COL4A2: variants seen among roughly 807,000 people sequenced by gnomAD.
COL4A2 encodes collagen type IV alpha 2 chain.
In COL4A2, 99 loss-of-function variants were observed where a neutral mutation model predicts 200.2. The ratio of observed to expected loss-of-function variants is 0.49; its 90% CI spans 0.42 to 0.58. The LOEUF (loss-of-function observed/expected upper bound fraction) is 0.58. Ranked by LOEUF, COL4A2 falls within the 20% of genes least tolerant of loss-of-function variation. The probability of loss-of-function intolerance (pLI) is 0.00; values close to 1 mark genes in which losing one functional copy is unlikely to be tolerated. For synonymous variants in COL4A2, 897 were observed against 900.6 expected (o/e 1.00, Z 0.07); for missense variants, 1,950 against 2,314.1 (o/e 0.84, Z 3.23).
intron 4 of COL4A2, among the ~76,000 whole-genome samples, chr13:110,413,551 T>C (rs935351810): frequency 4.6e-5 from 7 of 152,174 alleles, no homozygotes; most frequent in Non-Finnish European, 7.3e-5. Context: ...GCCATGGCCC[T>C]GAGGTTCCAG....
rs1420136912 is a variant in COL4A2, at chr13:110,484,994, C to T, written c.2992C>T (p.Pro998Ser). 7 of 1,610,866 alleles carry T rather than the reference C, an allele frequency of 4.3e-6. No individual in the cohort carries two copies. Among genetic ancestry groups the T allele is most frequent in the African/African-American group, 1.3e-5 (1 of 74,868 alleles). ...DIKGEKGDEG[P>S]MGLKGYLGAK... Reference sequence around the variant, plus strand: ...TAAAGGAGAGAAAGGAGATGAAGGGCCTATGGGGCTGAAAGGATACCTGGG... The same window carrying T: ...TAAAGGAGAGAAAGGAGATGAAGGGTCTATGGGGCTGAAAGGATACCTGGG... The change falls in exon 33 of 48, where the codon CCT (proline) becomes TCT (serine). Residue 998 changes from proline (P) to serine (S), a missense_variant. Pro to Ser is a moderately conservative substitution (Grantham distance 74). Around this residue, in one of 2 missense-constraint regions of COL4A2, gnomAD observed 1,385 missense variants for 1,720.5 expected, o/e 0.80. Transcript: ENST00000360467.
At chr13:110,320,354 C>A (rs901244071) in intron 3 of COL4A2, among the ~76,000 whole-genome samples, 1 of 152,196 alleles carries the variant, frequency 6.6e-6, no homozygotes, top group African/African-American at 2.4e-5. Flanking sequence ...GATTTCTGGG[C>A]GATTTCTCTG....
chr13:110,398,487 C>A (rs1215365685), intron 4 of COL4A2, among the ~76,000 whole-genome samples: 1 of 152,048 alleles, frequency 6.6e-6, no homozygotes, highest in Non-Finnish European at 1.5e-5. Flanking sequence ...GGTGAAACCC[C>A]GACTCTACTA....
At chr13:110,509,874 G>C (rs1483073075) in intron 47 of COL4A2, among the ~76,000 whole-genome samples, 2 of 152,200 alleles carry the variant, frequency 1.3e-5, no homozygotes, top group East Asian at 3.9e-4. Context: ...AGAACAGAAA[G>C]TCCCCATTGT....
At chr13:110,450,633 C>T (rs773748832) in intron 20 of COL4A2, among the ~76,000 whole-genome samples, 179 bp downstream of exon 20, 1 of 152,142 alleles carries the variant, frequency 6.6e-6, no homozygotes, top group Non-Finnish European at 1.5e-5. Flanking sequence ...CTGGGGTCCA[C>T]GCAGGAGCTG....
At chr13:110,433,423 G>A (rs536770261) in intron 11 of COL4A2, among the ~76,000 whole-genome samples, 6 of 146,252 alleles carry the variant, frequency 4.1e-5, no homozygotes, top group Non-Finnish European at 6.0e-5. Flanking sequence ...TGACTTTGAC[G>A]ACCAGCTCAG....
chr13:110,498,934 T>G (rs1030549139), intron 40 of COL4A2, among the ~76,000 whole-genome samples: 2 of 152,176 alleles, frequency 1.3e-5, no homozygotes, highest in African/African-American at 4.8e-5. Flanking sequence ...GCCCCCACCC[T>G]CGACCTGCAT....
chr13:110,438,810 C>CCCA lies in COL4A2; in HGVS notation c.912+143_912+144insCAC, dbSNP rs372770020. The stretch of plus-strand genomic sequence containing the variant: ...TCCCGTTATTACTCCCCACCCCCCC[C>CCCA]CACACACACACACAGCAGCCCCCCA... On this transcript the variant is annotated intron_variant, in intron 15 of 47. Transcript: ENST00000360467. 1.1e-3 allele frequency: 713 copies of CCCA among 653,758 alleles called. 8 individuals carry two copies. Among genetic ancestry groups the CCCA allele is most frequent in the African/African-American group, 9.1e-3 (424 of 46,628 alleles). 40.5% of individuals were successfully genotyped at this position (653,758 alleles called of 1,614,324 possible).
At chr13:110,472,162 C>CTGGG (rs1555331297) in intron 28 of COL4A2, among the ~76,000 whole-genome samples, 1 of 149,200 alleles carries the variant, frequency 6.7e-6, no homozygotes, top group East Asian at 2.0e-4. Flanking sequence ...GTCGCCCAGG[C>CTGGG]TGGAGTGCAG....
Position 110,310,856 on chromosome 13 carries a change from G to T in COL4A2, c.99+2733G>T, listed in dbSNP as rs575958004. Among the ~76,000 whole-genome samples the T allele has an allele frequency of 3.9e-5, 6 of 152,338 alleles. No homozygotes were observed. In the South Asian group the frequency reaches 6.2e-4, roughly 16 times the overall value. On this transcript the variant is annotated intron_variant, in intron 3 of 47. Transcript: ENST00000360467. ...TCCTCACAAGCAAGCACACTGATGA[G>T]CTAGGTAACTATTATTACCCCCATT...
rs1436490744 is a variant in COL4A2, at chr13:110,459,798, G to A, written c.1596+864G>A. ...GACATTATTTATTTATCGAACATTC[G>A]CCTTCTGAAGTTTAGCAAGAACTGA... On this transcript the variant is annotated intron_variant, in intron 22 of 47. Coordinates refer to ENST00000360467, the MANE Select transcript of COL4A2 (RefSeq NM_001846.4). The A allele has an allele frequency of 3.9e-5, 6 of 151,968 alleles. No individual in the cohort carries two copies. The East Asian group carries it at 7.7e-4, about 19-fold the overall frequency. 9.4% of individuals were successfully genotyped at this position (151,968 alleles called of 1,614,324 possible).
At position 110,388,994 on chromosome 13, in the gene COL4A2, C is replaced by A. The variant is rs903140691; in HGVS notation, c.180+31442C>A. Among the ~76,000 whole-genome samples, 3 of 152,334 alleles carry A rather than the reference C, an allele frequency of 2.0e-5. No homozygotes were observed. In the East Asian group the frequency reaches 5.8e-4, roughly 29 times the overall value. ...TGTGGCCCTGCGATCTCCATCCTGT[C>A]TCCTTGTGACAGATTTTCCACCTCA... On this transcript the variant is annotated intron_variant, in intron 4 of 47. Coordinates refer to ENST00000360467, the MANE Select transcript of COL4A2 (RefSeq NM_001846.4).
intron 4 of COL4A2, among the ~76,000 whole-genome samples, chr13:110,402,719 G>T (rs1240529268): frequency 6.6e-6 from 1 of 152,236 alleles, no homozygotes; most frequent in Non-Finnish European, 1.5e-5. Context: ...TACGGAGTGA[G>T]GAGCCCCTCT....
At chr13:110,484,202 A>G (rs1883033218) in intron 32 of COL4A2, among the ~76,000 whole-genome samples, 1 of 151,964 alleles carries the variant, frequency 6.6e-6, no homozygotes. Flanking sequence ...CTGTCCCTCC[A>G]CTGGTGGGCA....
intron 31 of COL4A2, 35 bp from the exon 32 acceptor site, chr13:110,482,481 T>C (rs748855892): frequency 3.7e-6 from 6 of 1,606,346 alleles, no homozygotes; most frequent in South Asian, 1.1e-5. Context: ...ATTTTATTCA[T>C]GTCTAACCCA....
intron 45 of COL4A2, 99 bp downstream of exon 45, chr13:110,504,363 A>AGCCAGAAAT: frequency 2.0e-6 from 2 of 1,012,164 alleles, no homozygotes; most frequent in Non-Finnish European, 3.0e-6. Context: ...AGCCCAGAAA[A>AGCCAGAAAT]GCCAGAAATG....
chr13:110,322,503 G>A (rs2139352804), intron 3 of COL4A2, among the ~76,000 whole-genome samples: 1 of 152,306 alleles, frequency 6.6e-6, no homozygotes, highest in South Asian at 2.1e-4. Flanking sequence ...GATTCCTCAG[G>A]AGGAGGACAG....
At chr13:110,425,056 T>G in intron 6 of COL4A2, 59 bp downstream of exon 6, 1 of 1,600,426 alleles carries the variant, frequency 6.2e-7, no homozygotes, top group Non-Finnish European at 8.6e-7. Context: ...GCAATACATT[T>G]TGTGACTTAA....
intron 4 of COL4A2, among the ~76,000 whole-genome samples, chr13:110,370,648 G>A (rs1877963954): frequency 6.6e-6 from 1 of 152,130 alleles, no homozygotes; most frequent in Non-Finnish European, 1.5e-5. Context: ...ACTTGATTCA[G>A]GATTTTGTTT....
Sources: allele counts gnomAD v4.1 joint callset (sites outside exome capture counted in the v4.1 genomes callset), GRCh38; gene constraint gnomAD v4.1.1; regional missense constraint gnomAD v4.1.1; transcripts MANE v1.5; gene names NCBI Gene and HGNC (gene_info 2026-07-23, HGNC 2026-07-21).